LSM14A: variants seen among roughly 807,000 people sequenced by gnomAD.
LSM14A encodes the protein protein LSM14 homolog A.
A neutral mutation model predicts 52.4 loss-of-function variants in LSM14A; 14 were observed. That is an observed-to-expected ratio of 0.27 (90% CI 0.18 to 0.42). The LOEUF (loss-of-function observed/expected upper bound fraction) is 0.42. Among genes scored for constraint, LSM14A ranks in the 10% least tolerant of loss-of-function variants. The probability of loss-of-function intolerance (pLI) is 1.00; values close to 1 mark genes in which losing one functional copy is unlikely to be tolerated. For synonymous variants in LSM14A, 185 were observed against 200.3 expected (o/e 0.92, Z 0.64); for missense variants, 417 against 581.8 (o/e 0.72, Z 2.91).
chr19:34,221,579 C>T lies in LSM14A; in HGVS notation c.1209C>T (p.Asn403=). The change falls in exon 9 of 10, where the codon AAC becomes AAT. Residue 403 remains asparagine (N), a synonymous_variant. Transcript: ENST00000544216. ...CATTTGGAATCCCACTTCGTCCAAA[C>T]CGTGGCCGTGGGGGATACAGAGGCA... The part of the protein sequence containing the change: ...AETFGIPLRP[N]RGRGGYRGRG... 6.2e-7 allele frequency: 1 copy of T among 1,614,106 alleles called. No individual in the cohort carries two copies.
intron 4 of LSM14A, among the ~76,000 whole-genome samples, chr19:34,213,028 A>G (rs187265924): frequency 8.5e-5 from 13 of 152,226 alleles, no homozygotes; most frequent in East Asian, 7.7e-4. Context: ...GCGCACATCT[A>G]TAGTCCTAGC....
At chr19:34,185,435 T>C (rs540719818) in intron 1 of LSM14A, among the ~76,000 whole-genome samples, 11 of 152,184 alleles carry the variant, frequency 7.2e-5, no homozygotes, top group African/African-American at 2.6e-4. Context: ...AAGAAAGTAG[T>C]GTGGGTAAGG....
At chr19:34,188,234 C>T (rs1471280686) in intron 1 of LSM14A, among the ~76,000 whole-genome samples, 2 of 151,930 alleles carry the variant, frequency 1.3e-5, no homozygotes, top group African/African-American at 4.8e-5. Context: ...TGCAGTGAGC[C>T]GAGATGGCAC....
At chr19:34,194,205 C>G (rs778654707) in intron 1 of LSM14A, among the ~76,000 whole-genome samples, 2 of 152,022 alleles carry the variant, frequency 1.3e-5, no homozygotes, top group African/African-American at 2.4e-5. Context: ...TTTTAACACC[C>G]CACTACAACC....
intron 3 of LSM14A, among the ~76,000 whole-genome samples, chr19:34,198,803 G>A (rs1175112884): frequency 6.6e-6 from 1 of 152,036 alleles, no homozygotes; most frequent in African/African-American, 2.4e-5. Context: ...TGGCTAACAC[G>A]GTGAAACTCC....
intron 1 of LSM14A, among the ~76,000 whole-genome samples, chr19:34,184,622 C>T (rs917125620): frequency 4.6e-5 from 7 of 151,942 alleles, no homozygotes; most frequent in African/African-American, 1.7e-4. Context: ...TTTCCAAGAC[C>T]CAGATAAATA....
chr19:34,185,280 C>G (rs2069808805), intron 1 of LSM14A, among the ~76,000 whole-genome samples: 1 of 152,118 alleles, frequency 6.6e-6, no homozygotes, highest in Admixed American at 6.5e-5. Context: ...GGCATGTGAT[C>G]TGTGAGGTGA....
chr19:34,220,638 T>G (rs505248), intron 8 of LSM14A, among the ~76,000 whole-genome samples: 53,157 of 152,118 alleles, frequency 0.35, 9,743 homozygotes, highest in African/African-American at 0.4. Context: ...CCTTGTCCTT[T>G]TCCTGGCTGA....
chr19:34,220,848 G>A (rs2073011081), intron 8 of LSM14A, among the ~76,000 whole-genome samples: 1 of 152,000 alleles, frequency 6.6e-6, no homozygotes, highest in African/African-American at 2.4e-5. Context: ...CCCAAGACAA[G>A]GCCTCCCTGT....
At chr19:34,221,386 T>C in intron 8 of LSM14A, 121 bp from the exon 9 acceptor site, 1 of 1,156,840 alleles carries the variant, frequency 8.6e-7, no homozygotes. Flanking sequence ...CTAGCCAAGA[T>C]GCTTATTTCT....
intron 9 of LSM14A, chr19:34,226,451 C>T: frequency 3.4e-6 from 5 of 1,481,284 alleles, no homozygotes; most frequent in Non-Finnish European, 4.5e-6. Flanking sequence ...ATTGATCGTA[C>T]TGCTTTCTGA....
At chr19:34,212,984 C>T (rs2072279596) in intron 4 of LSM14A, among the ~76,000 whole-genome samples, 1 of 151,938 alleles carries the variant, frequency 6.6e-6, no homozygotes, top group African/African-American at 2.4e-5. Context: ...TTCAGGAAGA[C>T]ATGTGAAATA....
At chr19:34,173,193 T>G (rs2145427222) in intron 1 of LSM14A, among the ~76,000 whole-genome samples, 1 of 152,358 alleles carries the variant, frequency 6.6e-6, no homozygotes, top group East Asian at 1.9e-4. Flanking sequence ...TTTGTTCATT[T>G]CAATTCGTGG....
Position 34,227,736 on chromosome 19 carries a change from A to G in LSM14A, c.*348A>G, listed in dbSNP as rs756019604. The G allele has an allele frequency of 6.7e-5, 15 of 224,148 alleles. No homozygotes were observed. The highest frequency in any genetic ancestry group is 1.3e-4 in the Non-Finnish European group (15 of 116,556). The allele number at this position is 224,148 out of a possible 1,614,324, so 13.9% of individuals were successfully genotyped here. ...TTTTATCACTAAATTGTATTTGGCA[A>G]TTGCAAGTTGCCTGCAGATAGGGCC... is the stretch of plus-strand genomic sequence containing the variant. On this transcript the variant is annotated 3_prime_UTR_variant, in exon 10 of 10. Coordinates refer to ENST00000544216, the MANE Select transcript of LSM14A (RefSeq NM_015578.4).
chr19:34,213,337 G>A (rs2072312093), intron 4 of LSM14A, among the ~76,000 whole-genome samples: 1 of 152,152 alleles, frequency 6.6e-6, no homozygotes, highest in South Asian at 2.1e-4. Context: ...TCTGGGTTTT[G>A]ATAAATGATC....
At chr19:34,217,609 C>G (rs945318412) in intron 6 of LSM14A, among the ~76,000 whole-genome samples, 2 of 52,032 alleles carry the variant, frequency 3.8e-5, no homozygotes, top group Non-Finnish European at 7.1e-5. Context: ...TTTATATCCC[C>G]CCCCCCCGTG....
At chr19:34,192,316 G>GTGTTTT (rs2070442714) in intron 1 of LSM14A, among the ~76,000 whole-genome samples, 1 of 65,822 alleles carries the variant, frequency 1.5e-5, no homozygotes, top group African/African-American at 5.8e-5. Context: ...CATTCTTTTT[G>GTGTTTT]TTGTTTTTTT....
chr19:34,179,883 A>G (rs550233891), intron 1 of LSM14A, among the ~76,000 whole-genome samples: 1 of 152,334 alleles, frequency 6.6e-6, no homozygotes, highest in South Asian at 2.1e-4. Context: ...CTATAAAATA[A>G]TATATTAATT....
chr19:34,177,158 G>A (rs942928363), intron 1 of LSM14A, among the ~76,000 whole-genome samples: 3 of 152,134 alleles, frequency 2.0e-5, no homozygotes, highest in African/African-American at 7.2e-5. Flanking sequence ...ATTGTTGGAT[G>A]TATATATTGC....
Sources: gnomAD v4.1 joint callset for allele counts (sites outside exome capture counted in the v4.1 genomes callset) on GRCh38, gnomAD v4.1.1 for gene constraint, MANE v1.5 for transcripts, NCBI Gene and HGNC (gene_info 2026-07-23, HGNC 2026-07-21) for gene names.